Variants in ATAD1 observed in about 807,000 individuals in gnomAD.
The protein encoded by ATAD1 is ATPase family AAA domain containing 1.
A neutral mutation model predicts 42.7 loss-of-function variants in ATAD1; 18 were observed. The ratio of observed to expected loss-of-function variants is 0.42; its 90% CI spans 0.29 to 0.63. The LOEUF is 0.63. Among genes scored for constraint, ATAD1 ranks in the 20% least tolerant of loss-of-function variants. The pLI is 0.19. For synonymous variants in ATAD1, 132 were observed against 143.1 expected, an observed-to-expected ratio of 0.92 and a Z score of 0.55; for missense variants, 294 against 440.4, an observed-to-expected ratio of 0.67 and a Z score of 2.98.
chr10:87,752,549 A>G lies in ATAD1; in HGVS notation c.*2138T>C, dbSNP rs1015027125. ...TGAGAAACTGGGCTCACAGACACAC[A>G]GTTAATGGGGAGCCTGAGTTTAAAT... On this transcript the variant is annotated 3_prime_UTR_variant, in exon 10 of 10. Transcript: ENST00000680024. The G allele has an allele frequency of 2.6e-5, 2 of 76,890 alleles. No homozygotes were observed. The highest frequency in any genetic ancestry group is 4.8e-5 in the African/African-American group (1 of 20,686). The allele number at this position is 76,890 out of a possible 1,614,324, so 4.8% of individuals were successfully genotyped here.
chr10:87,771,210 GT>G (rs1855014245), intron 6 of ATAD1, among the ~76,000 whole-genome samples, 169 bp from the exon 7 acceptor site: 1 of 152,062 alleles, frequency 6.6e-6, no homozygotes. Context: ...ATAAATTGAA[GT>G]TAATCCTAAA....
chr10:87,836,065 T>C (rs1299898898), intron 1 of ATAD1, among the ~76,000 whole-genome samples: 1 of 152,158 alleles, frequency 6.6e-6, no homozygotes, highest in African/African-American at 2.4e-5. Context: ...AGGTGAATTG[T>C]TTATTTACCT....
chr10:87,768,488 T>C (rs932696677), intron 7 of ATAD1, among the ~76,000 whole-genome samples: 23 of 152,340 alleles, frequency 1.5e-4, no homozygotes, highest in African/African-American at 4.8e-4. Context: ...TGATATGTCA[T>C]GTGATCACCA....
intron 1 of ATAD1, among the ~76,000 whole-genome samples, chr10:87,824,240 G>A (rs1170984232): frequency 6.7e-6 from 1 of 148,656 alleles, no homozygotes; most frequent in Non-Finnish European, 1.5e-5. Context: ...AAGGGAAGGG[G>A]GGAGGAAAGA....
At chr10:87,771,863 A>G (rs1275216840) in intron 6 of ATAD1, among the ~76,000 whole-genome samples, 1 of 152,228 alleles carries the variant, frequency 6.6e-6, no homozygotes, top group Non-Finnish European at 1.5e-5. Flanking sequence ...ATACTTCAGT[A>G]TAACCCAGTA....
chr10:87,820,417 T>A (rs1278640760), upstream of ATAD1, among the ~76,000 whole-genome samples: 4 of 152,204 alleles, frequency 2.6e-5, no homozygotes, highest in East Asian at 7.7e-4. Flanking sequence ...GTGACCAGCC[T>A]ACCCAGTTTC....
intron 8 of ATAD1, among the ~76,000 whole-genome samples, chr10:87,761,074 A>T (rs1470423714): frequency 1.3e-5 from 2 of 150,254 alleles, no homozygotes; most frequent in Middle Eastern, 3.5e-3. Context: ...ATGTGAATTT[A>T]AAAAAAAAAC....
At chr10:87,770,858 T>C in intron 7 of ATAD1, 94 bp downstream of exon 7, 3 of 1,102,838 alleles carry the variant, frequency 2.7e-6, no homozygotes, top group Non-Finnish European at 4.0e-6. Context: ...TAAGCACCCC[T>C]ATATGACAAA....
intron 1 of ATAD1, among the ~76,000 whole-genome samples, chr10:87,840,474 G>A (rs1479938835): frequency 1.3e-5 from 2 of 152,176 alleles, no homozygotes; most frequent in Non-Finnish European, 2.9e-5. Context: ...GACAGAGTGA[G>A]ACCCTATCTC....
intron 9 of ATAD1, among the ~76,000 whole-genome samples, chr10:87,755,680 G>C (rs561762473): frequency 6.6e-6 from 1 of 152,170 alleles, no homozygotes; most frequent in East Asian, 1.9e-4. Context: ...AGGCCAAGGC[G>C]GGTGGATCAC....
rs1009853598 is a variant in ATAD1, at chr10:87,814,746, G to C, written c.-13-134C>G. On this transcript the variant is annotated intron_variant, in intron 1 of 9. Transcript: ENST00000680024. ...TAAAATATTACCTACCTTAAAAAAAGTGTTTCATTTTAAGGAGAAATGGAT... is the reference window on the plus strand; with the variant it reads ...TAAAATATTACCTACCTTAAAAAAACTGTTTCATTTTAAGGAGAAATGGAT... 2.9e-5 allele frequency: 19 copies of C among 644,250 alleles called. No homozygotes were observed. In the African/African-American group the frequency reaches 3.2e-4, roughly 11 times the overall value. The allele number at this position is 644,250 out of a possible 1,614,324, so 39.9% of individuals were successfully genotyped here.
At chr10:87,763,094 A>G (rs2131777734) in intron 8 of ATAD1, among the ~76,000 whole-genome samples, 1 of 148,734 alleles carries the variant, frequency 6.7e-6, no homozygotes, top group African/African-American at 2.4e-5. Context: ...AAAAAAAAAA[A>G]AAAAAAAAAA....
At chr10:87,766,481 G>A (rs185573499) in intron 8 of ATAD1, among the ~76,000 whole-genome samples, 4 of 152,072 alleles carry the variant, frequency 2.6e-5, no homozygotes, top group East Asian at 1.9e-4. Context: ...TCAACGATAC[G>A]TAAAAAAAGC....
intron 2 of ATAD1, among the ~76,000 whole-genome samples, chr10:87,803,127 G>A (rs1361137445): frequency 6.6e-6 from 1 of 152,082 alleles, no homozygotes; most frequent in Non-Finnish European, 1.5e-5. Context: ...TCCAGGATTT[G>A]TTTTTTGTTT....
chr10:87,752,871 G>A lies in ATAD1; in HGVS notation c.*1816C>T, dbSNP rs750019848. 6.6e-6 allele frequency: 1 copy of A among 151,946 alleles called. No homozygotes were observed. Among genetic ancestry groups the A allele is most frequent in the African/African-American group, 2.4e-5 (1 of 41,376 alleles). 9.4% of individuals were successfully genotyped at this position (151,946 alleles called of 1,614,324 possible). On this transcript the variant is annotated 3_prime_UTR_variant, in exon 10 of 10. Transcript: ENST00000680024. ...ACTGGATATTGTGAATTTAAGAGAAGACAAAAAGAAAGGACATGTGGAGGT... is the reference window on the plus strand; with the variant it reads ...ACTGGATATTGTGAATTTAAGAGAAAACAAAAAGAAAGGACATGTGGAGGT...
At chr10:87,767,052 G>T (rs951742062) in intron 8 of ATAD1, among the ~76,000 whole-genome samples, 1 of 151,816 alleles carries the variant, frequency 6.6e-6, no homozygotes, top group Non-Finnish European at 1.5e-5. Context: ...AAAAAACAAC[G>T]ACAAAAAACT....
rs34722647 is a variant in ATAD1 at position 87,791,030 on chromosome 10, C to CAAAAA, written c.262-605_262-601dup. Among the ~76,000 whole-genome samples the CAAAAA allele has an allele frequency of 5.1e-3, 337 of 66,240 alleles. 4 individuals carry two copies. The highest frequency in any genetic ancestry group is 0.019 in the South Asian group (33 of 1,782). The allele number at this position is 66,240 out of a possible 152,430, so 43.5% of individuals were successfully genotyped here. A position where few individuals can be genotyped will look rare whatever the true frequency, so the allele number is the denominator to read the frequency against. ...TGAAACCCCGTCTCTACTAAAATTA[C>CAAAAA]AAAAAAAAAAAAAAAAAAAAAAAAA... is the stretch of plus-strand genomic sequence containing the variant. On this transcript the variant is annotated intron_variant, in intron 3 of 9. Coordinates refer to ENST00000680024, the MANE Select transcript of ATAD1 (RefSeq NM_001321967.2).
intron 9 of ATAD1, among the ~76,000 whole-genome samples, chr10:87,755,079 C>A (rs1854162114): frequency 6.6e-6 from 1 of 152,026 alleles, no homozygotes; most frequent in African/African-American, 2.4e-5. Flanking sequence ...AAGTAGGAAG[C>A]TAAAATAGCT....
upstream of ATAD1, among the ~76,000 whole-genome samples, chr10:87,820,164 T>C (rs1857604780): frequency 6.6e-6 from 1 of 152,152 alleles, no homozygotes; most frequent in African/African-American, 2.4e-5. Flanking sequence ...GACTCTCCAC[T>C]GGGTCCTTGG....
Sources: gnomAD v4.1 joint callset for allele counts (sites outside exome capture counted in the v4.1 genomes callset) on GRCh38, gnomAD v4.1.1 for gene constraint, MANE v1.5 for transcripts, NCBI Gene and HGNC (gene_info 2026-07-23, HGNC 2026-07-21) for gene names.